The following UGT1A8 variants were observed in gnomAD, a reference collection of about 807,000 sequenced individuals.
The protein encoded by UGT1A8 is UDP glucuronosyltransferase family 1 member A8.
In UGT1A8, 39 loss-of-function variants were observed where a neutral mutation model predicts 45.3. The observed-to-expected ratio is 0.86, with a 90% CI of 0.67 to 1.12. The LOEUF (loss-of-function observed/expected upper bound fraction) is 1.12, where lower values mean the gene tolerates loss of function less well. UGT1A8 is among the 50% of genes most tolerant of loss of function. UGT1A8 has a pLI of 0.00. For missense variants in UGT1A8, 719 were observed against 664.9 expected, an observed-to-expected ratio of 1.08 and a Z score of -0.90; for synonymous variants, 275 against 249.2, an observed-to-expected ratio of 1.10 and a Z score of -0.97.
At chr2:233,734,280 C>A (rs2078507648) in intron 1 of UGT1A8, among the ~76,000 whole-genome samples, 1 of 152,066 alleles carries the variant, frequency 6.6e-6, no homozygotes, top group South Asian at 2.1e-4. Flanking sequence ...GGAATTTATC[C>A]ATTTCTTCTA....
chr2:233,725,380 C>A (rs2077441850), intron 1 of UGT1A8, among the ~76,000 whole-genome samples: 1 of 149,278 alleles, frequency 6.7e-6, no homozygotes, highest in East Asian at 1.9e-4. Context: ...TTAAAAAATT[C>A]TTAATAGGTT....
intron 1 of UGT1A8, among the ~76,000 whole-genome samples, chr2:233,672,978 A>G (rs938132423): frequency 1.1e-4 from 16 of 152,170 alleles, no homozygotes; most frequent in African/African-American, 3.9e-4. Flanking sequence ...CTTCTTGAAG[A>G]TATGTATTTA....
Position 233,769,204 on chromosome 2 carries a change from CA to C in UGT1A8, c.1295+766del, listed in dbSNP as rs1195031897. 1.3e-5 allele frequency among the ~76,000 whole-genome samples: 2 copies of C among 152,164 alleles called. No individual in the cohort carries two copies. The highest frequency in any genetic ancestry group is 4.8e-5 in the African/African-American group (2 of 41,440). ...TGAATGAAGGAGCTATAAGATATCA[CA>C]GACAAAGTCTTAGAATAAGAGCAAA... On this transcript the variant is annotated intron_variant, in intron 4 of 4. Transcript: ENST00000373450. This position sits in a 1 kb window ranked among gnomAD's most constrained non-coding sequence, Gnocchi z 4.4.
At chr2:233,643,864 A>AG (rs1559321973) in intron 1 of UGT1A8, among the ~76,000 whole-genome samples, 2 of 152,166 alleles carry the variant, frequency 1.3e-5, no homozygotes, top group Non-Finnish European at 1.5e-5. Flanking sequence ...GGCCTGGCAC[A>AG]GGGGCCTCAT....
At chr2:233,738,589 T>A (rs765619783) in intron 1 of UGT1A8, among the ~76,000 whole-genome samples, 10 of 152,236 alleles carry the variant, frequency 6.6e-5, no homozygotes, top group Admixed American at 1.3e-4. Flanking sequence ...CAAAGGTCAC[T>A]CTTGCTAAGC....
At chr2:233,665,165 A>C (rs1226077724) in intron 1 of UGT1A8, among the ~76,000 whole-genome samples, 1 of 152,212 alleles carries the variant, frequency 6.6e-6, no homozygotes, top group Admixed American at 6.5e-5. Flanking sequence ...TTTGCCAATA[A>C]ATTATAGACA....
intron 1 of UGT1A8, chr2:233,713,166 G>A: frequency 6.2e-7 from 1 of 1,614,238 alleles, no homozygotes. Context: ...CCACCAGGTG[G>A]TGGTCCTCAC....
At chr2:233,676,520 A>G (rs757649289) in intron 1 of UGT1A8, among the ~76,000 whole-genome samples, 2 of 152,168 alleles carry the variant, frequency 1.3e-5, no homozygotes, top group African/African-American at 2.4e-5. Context: ...TTTCCTTCAG[A>G]TTTCATTAAT....
intron 1 of UGT1A8, among the ~76,000 whole-genome samples, chr2:233,701,439 A>G (rs557016008): frequency 1.8e-4 from 27 of 152,274 alleles, no homozygotes; most frequent in Admixed American, 1.6e-3. Flanking sequence ...GATCAACGAG[A>G]CAGAAAGTTA....
Position 233,754,885 on chromosome 2 carries a change from A to G in UGT1A8, c.856-12149A>G, listed in dbSNP as rs750655652. Reference sequence around the variant, plus strand: ...GACCCTCTGCTTCTGCTTCCCAGGGAGTTCCTCTGACCCCCCAAAATATTC... The same window carrying G: ...GACCCTCTGCTTCTGCTTCCCAGGGGGTTCCTCTGACCCCCCAAAATATTC... On this transcript the variant is annotated intron_variant, in intron 1 of 4. Coordinates refer to ENST00000373450, the MANE Select transcript of UGT1A8 (RefSeq NM_019076.5). The G allele has an allele frequency of 3.0e-6, 4 of 1,350,732 alleles. No individual in the cohort carries two copies. In the African/African-American group the frequency reaches 5.9e-5, roughly 20 times the overall value. 83.7% of individuals were successfully genotyped at this position (1,350,732 alleles called of 1,614,324 possible). A position where few individuals can be genotyped will look rare whatever the true frequency, so the allele number is the denominator to read the frequency against.
intron 1 of UGT1A8, among the ~76,000 whole-genome samples, chr2:233,756,782 T>C (rs754462005): frequency 2.0e-5 from 3 of 152,090 alleles, no homozygotes; most frequent in Non-Finnish European, 4.4e-5. Context: ...CTTTGATAAA[T>C]TGTGGGGCAA....
chr2:233,718,525 G>A (rs1278661591), intron 1 of UGT1A8, among the ~76,000 whole-genome samples: 2 of 152,236 alleles, frequency 1.3e-5, no homozygotes, highest in East Asian at 3.8e-4. Flanking sequence ...GGTGTCCACA[G>A]CCTTGTGTTG....
chr2:233,721,331 C>T (rs1281887450), intron 1 of UGT1A8, among the ~76,000 whole-genome samples: 1 of 152,014 alleles, frequency 6.6e-6, no homozygotes, highest in African/African-American at 2.4e-5. Flanking sequence ...TGTGGTTTTT[C>T]ACTATGAATA....
rs201474770 is a variant in UGT1A8, at chr2:233,672,063, G to A, written c.855+53501G>A. On this transcript the variant is annotated intron_variant, in intron 1 of 4. Transcript: ENST00000373450. ...GGAGCCACTGGTTCACCATGAGGTC[G>A]GTGGTGGAGAAACTCATTCTCAGGG... 59 of 1,614,124 alleles carry A rather than the reference G, an allele frequency of 3.7e-5. 1 individual carries two copies. The South Asian group carries it at 5.3e-4, about 14-fold the overall frequency.
At chr2:233,695,006 T>C (rs184131537) in intron 1 of UGT1A8, among the ~76,000 whole-genome samples, 12 of 152,350 alleles carry the variant, frequency 7.9e-5, no homozygotes, top group African/African-American at 2.2e-4. Context: ...TCTTCATTTC[T>C]AGCTATTTTG....
chr2:233,756,708 CT>C (rs1473385409), intron 1 of UGT1A8, among the ~76,000 whole-genome samples: 11 of 152,108 alleles, frequency 7.2e-5, no homozygotes, highest in Non-Finnish European at 1.6e-4. Context: ...TTTGGGGGGA[CT>C]TTTTTTGAGA....
chr2:233,751,718 G>C (rs144416943), intron 1 of UGT1A8, among the ~76,000 whole-genome samples: 1 of 152,136 alleles, frequency 6.6e-6, no homozygotes, highest in Non-Finnish European at 1.5e-5. Flanking sequence ...TCACTCACAA[G>C]TGAACTCTTC....
intron 1 of UGT1A8, among the ~76,000 whole-genome samples, chr2:233,688,194 T>G (rs2074881922): frequency 6.6e-6 from 1 of 152,244 alleles, no homozygotes; most frequent in African/African-American, 2.4e-5. Flanking sequence ...TATGACCGGC[T>G]TCTTTCACTT....
intron 1 of UGT1A8, among the ~76,000 whole-genome samples, chr2:233,623,630 T>A (rs1450634602): frequency 6.6e-6 from 1 of 152,204 alleles, no homozygotes; most frequent in Non-Finnish European, 1.5e-5. Flanking sequence ...AAAAATTTTT[T>A]AATATTATCT....
Sources: allele counts gnomAD v4.1 joint callset (sites outside exome capture counted in the v4.1 genomes callset), GRCh38; gene constraint gnomAD v4.1.1; non-coding constraint Gnocchi (gnomAD v3.1); transcripts MANE v1.5; gene names NCBI Gene and HGNC (gene_info 2026-07-23, HGNC 2026-07-21).